The following TPO variants were observed in gnomAD, a reference collection of about 807,000 sequenced individuals.
TPO encodes thyroid microsomal antigen.
A neutral mutation model predicts 96.9 loss-of-function variants in TPO; 78 were observed. The observed-to-expected ratio is 0.81, with a 90% CI of 0.67 to 0.97. The LOEUF is 0.97. Ranked by LOEUF, TPO falls within the 50% of genes least tolerant of loss-of-function variation. The pLI, the probability that TPO is intolerant of heterozygous loss-of-function variation, is 0.00. For missense variants in TPO, 1,252 were observed against 1,274.8 expected (o/e 0.98, Z 0.27); for synonymous variants, 547 against 538.0 (o/e 1.02, Z -0.23).
chr2:1,501,634 G>A (rs547056049), intron 13 of TPO, among the ~76,000 whole-genome samples: 4 of 152,278 alleles, frequency 2.6e-5, no homozygotes, highest in South Asian at 2.1e-4. Flanking sequence ...TGAGGCTGTC[G>A]GGTGCATCCT....
intron 2 of TPO, 139 bp downstream of exon 2, chr2:1,414,641 A>T: frequency 1.4e-6 from 1 of 728,572 alleles, no homozygotes; most frequent in Non-Finnish European, 2.3e-6. Context: ...AAGAAAAAAA[A>T]ATTGTAATTC....
intron 14 of TPO, among the ~76,000 whole-genome samples, chr2:1,513,110 A>G (rs1674331721): frequency 6.6e-6 from 1 of 152,194 alleles, no homozygotes; most frequent in Non-Finnish European, 1.5e-5. Context: ...AGGACCCAGC[A>G]CTGTCCCTGG....
intron 7 of TPO, among the ~76,000 whole-genome samples, chr2:1,472,712 G>A (rs1669536713): frequency 6.6e-6 from 1 of 151,510 alleles, no homozygotes; most frequent in Non-Finnish European, 1.5e-5. Flanking sequence ...TGGTACTACT[G>A]TCTAAAAATT....
intron 8 of TPO, among the ~76,000 whole-genome samples, chr2:1,483,291 C>T (rs149640656): frequency 1.6e-3 from 249 of 152,352 alleles, no homozygotes; most frequent in Middle Eastern, 0.01. Context: ...GTGCTTGCTG[C>T]ATCCCCTGGC....
intron 15 of TPO, among the ~76,000 whole-genome samples, chr2:1,530,415 A>T (rs1469648817): frequency 6.9e-6 from 1 of 144,854 alleles, no homozygotes; most frequent in Non-Finnish European, 1.5e-5. Flanking sequence ...ACTGTATTCA[A>T]CCTCTCCAAA....
intron 11 of TPO, among the ~76,000 whole-genome samples, chr2:1,494,288 C>T (rs1433295723): frequency 2.0e-5 from 3 of 152,240 alleles, no homozygotes; most frequent in Non-Finnish European, 4.4e-5. Flanking sequence ...CTAGATCCAA[C>T]CACACGAGCA....
At chr2:1,407,782 A>G (rs1195406897) in intron 1 of TPO, among the ~76,000 whole-genome samples, 2 of 147,994 alleles carry the variant, frequency 1.4e-5, no homozygotes, top group Non-Finnish European at 3.0e-5. Context: ...CAATCATGCA[A>G]CCTTCTTTTT....
chr2:1,480,849 A>ACG (rs1491437363), intron 8 of TPO, among the ~76,000 whole-genome samples: 210 of 151,016 alleles, frequency 1.4e-3, no homozygotes, highest in Middle Eastern at 3.4e-3. Flanking sequence ...TGTCCTCACC[A>ACG]TACCCACTCT....
chr2:1,415,157 C>G (rs1392404316), intron 2 of TPO, among the ~76,000 whole-genome samples: 1 of 147,904 alleles, frequency 6.8e-6, no homozygotes, highest in African/African-American at 2.5e-5. Flanking sequence ...TCCCAGGGCC[C>G]CTGGAGCAGG....
rs1364742127 is a variant in TPO, at chr2:1,477,241, C to T, written c.975C>T (p.Asp325=). ...TGAACGGGTTGACCTCGTTCCTGGA[C>T]GCGTCCACCGTGTATGGCAGCTCCC... ...QQMNGLTSFL[D]ASTVYGSSPA... Residue 325 remains aspartate, a synonymous_variant, in exon 8 of 17, where the codon GAC becomes GAT. Transcript: ENST00000329066. 12 of 1,608,154 alleles carry T rather than the reference C, an allele frequency of 7.5e-6. 1 individual carries two copies. The Admixed American group carries it at 1.0e-4, about 14-fold the overall frequency.
chr2:1,496,693 T>A lies in TPO; in HGVS notation c.2314T>A (p.Tyr772Asn). 6.2e-7 allele frequency: 1 copy of A among 1,613,946 alleles called. No individual in the cohort carries two copies. Among genetic ancestry groups the A allele is most frequent in the South Asian group, 1.1e-5 (1 of 91,058 alleles). The change falls in exon 13 of 17, where the codon TAT becomes AAT. Residue 772 changes from tyrosine (Y) to asparagine (N), a missense_variant. Coordinates refer to ENST00000329066, the MANE Select transcript of TPO (RefSeq NM_001206744.2). Reference sequence around the variant, plus strand: ...GCTGGTGTATTCCTGCCGGCACGGGTATGAGCTCCAAGGCCGGGAGCAGCT... The same window carrying A: ...GCTGGTGTATTCCTGCCGGCACGGGAATGAGCTCCAAGGCCGGGAGCAGCT... ...RVLVYSCRHG[Y>N]ELQGREQLTC...
At chr2:1,387,711 C>G (rs536660668) in intron 1 of TPO, among the ~76,000 whole-genome samples, 1 of 152,198 alleles carries the variant, frequency 6.6e-6, no homozygotes, top group Non-Finnish European at 1.5e-5. Context: ...TCTCTCAGCT[C>G]GTCAAAGTCA....
intron 2 of TPO, among the ~76,000 whole-genome samples, chr2:1,415,879 C>G (rs1200480965): frequency 6.6e-6 from 1 of 152,188 alleles, no homozygotes; most frequent in Non-Finnish European, 1.5e-5. Context: ...GACTTCACAA[C>G]CATATTAGGA....
intron 1 of TPO, among the ~76,000 whole-genome samples, chr2:1,374,632 G>T (rs1242404051): frequency 6.6e-6 from 1 of 151,840 alleles, no homozygotes; most frequent in African/African-American, 2.4e-5. Flanking sequence ...AACCATTTCT[G>T]CAAAAATGTT....
chr2:1,454,899 A>C (rs1228389149), intron 6 of TPO, among the ~76,000 whole-genome samples: 1 of 152,252 alleles, frequency 6.6e-6, no homozygotes, highest in Non-Finnish European at 1.5e-5. Flanking sequence ...ATTGCTCCAA[A>C]TTTAGTGGCT....
chr2:1,542,316 T>G lies in TPO; in HGVS notation c.2749-105T>G, dbSNP rs1680856907. The G allele has an allele frequency of 2.0e-6, 3 of 1,480,692 alleles. No homozygotes were observed. In the South Asian group the frequency reaches 3.6e-5, roughly 18 times the overall value. 91.7% of individuals were successfully genotyped at this position (1,480,692 alleles called of 1,614,324 possible). A position where few individuals can be genotyped will look rare whatever the true frequency, so the allele number is the denominator to read the frequency against. On this transcript the variant is annotated intron_variant, in intron 16 of 16. Transcript: ENST00000329066. Reference sequence around the variant, plus strand: ...GGCTCATCTCGCCAGCGGTCCTTTGTGAAAAGAGCTCCTGTCCAGGCCCTT... The same window carrying G: ...GGCTCATCTCGCCAGCGGTCCTTTGGGAAAAGAGCTCCTGTCCAGGCCCTT...
intron 15 of TPO, among the ~76,000 whole-genome samples, chr2:1,521,823 A>G (rs967465848): frequency 1.5e-4 from 23 of 151,976 alleles, no homozygotes; most frequent in Admixed American, 2.6e-4. Context: ...GGAAATGAGC[A>G]GGGGGAGCTG....
intron 1 of TPO, among the ~76,000 whole-genome samples, chr2:1,385,037 C>A (rs540461680): frequency 4.6e-5 from 7 of 152,140 alleles, no homozygotes; most frequent in Non-Finnish European, 1.0e-4. Flanking sequence ...TATGTTGAAC[C>A]AGCCTTGCAT....
In TPO at chr2:1,385,330, G is replaced by C. The variant is rs568866627; in HGVS notation, n.180+10928G>C. Among the ~76,000 whole-genome samples, 6 of 152,190 alleles carry C rather than the reference G, an allele frequency of 3.9e-5. No individual in the cohort carries two copies. The East Asian group carries it at 9.7e-4, about 25-fold the overall frequency. ...TCTGGTAGAATTTGGCTGTGAATCT[G>C]TCCAGTCCTGGACTTTTTTTGGTTG... On this transcript the variant is annotated intron_variant and non_coding_transcript_variant, in intron 1 of 5. Coordinates refer to the TPO transcript ENST00000497517.
Sources: allele counts gnomAD v4.1 joint callset (sites outside exome capture counted in the v4.1 genomes callset), GRCh38; gene constraint gnomAD v4.1.1; transcripts MANE v1.5; gene names NCBI Gene and HGNC (gene_info 2026-07-23, HGNC 2026-07-21).